ZFHX3: variants seen among roughly 807,000 people sequenced by gnomAD.
ZFHX3 encodes zinc finger homeobox protein 3.
Under a neutral mutation model 279.1 loss-of-function variants are expected in ZFHX3, and 42 were observed. The ratio of observed to expected loss-of-function variants is 0.15; its 90% CI spans 0.12 to 0.19. ZFHX3 has a LOEUF of 0.19. ZFHX3 is among the 10% of genes least tolerant of loss of function. The pLI is 1.00. For missense variants in ZFHX3, 4,981 were observed against 4,754.0 expected (o/e 1.05, Z -1.40); for synonymous variants, 2,293 against 1,957.8 (o/e 1.17, Z -4.52).
At chr16:72,818,958 C>A (rs181069933) in intron 5 of ZFHX3, among the ~76,000 whole-genome samples, 1 of 152,296 alleles carries the variant, frequency 6.6e-6, no homozygotes, top group African/African-American at 2.4e-5. Context: ...AAGAGTTACT[C>A]AGGGAAAGGC....
chr16:72,970,431 C>T (rs1205050997), intron 1 of ZFHX3, among the ~76,000 whole-genome samples: 1 of 152,152 alleles, frequency 6.6e-6, no homozygotes, highest in African/African-American at 2.4e-5. Flanking sequence ...GAGGCCTTTC[C>T]ACCATTTCCA....
intron 5 of ZFHX3, among the ~76,000 whole-genome samples, chr16:73,244,348 T>C (rs1271582376): frequency 6.6e-6 from 1 of 152,042 alleles, no homozygotes; most frequent in Non-Finnish European, 1.5e-5. Context: ...AGACAGATTA[T>C]CCTTCTCTCC....
chr16:73,063,964 C>T (rs1353409095), upstream of ZFHX3, among the ~76,000 whole-genome samples: 1 of 152,110 alleles, frequency 6.6e-6, no homozygotes, highest in Non-Finnish European at 1.5e-5. Flanking sequence ...TGAGGGTCCC[C>T]GCGCCCAGGT....
chr16:73,027,013 CAT>C (rs1373507067), intron 1 of ZFHX3, among the ~76,000 whole-genome samples: 2 of 152,264 alleles, frequency 1.3e-5, no homozygotes, highest in African/African-American at 2.4e-5. Context: ...ACCTACACCA[CAT>C]GATAGCATGA....
At chr16:73,461,227 A>C (rs925497737) in intron 2 of ZFHX3, among the ~76,000 whole-genome samples, 16 of 152,056 alleles carry the variant, frequency 1.1e-4, no homozygotes, top group African/African-American at 3.1e-4. Context: ...TCTTCATGAC[A>C]TTTGCCCATT....
intron 1 of ZFHX3, among the ~76,000 whole-genome samples, chr16:73,688,563 G>GC (rs796343053): frequency 3.9e-5 from 6 of 152,144 alleles, no homozygotes; most frequent in African/African-American, 1.4e-4. Context: ...CAGAAAGCAG[G>GC]CCCTCAACAG....
At chr16:73,886,315 A>T (rs2030345225) in intron 1 of ZFHX3, among the ~76,000 whole-genome samples, 2 of 152,160 alleles carry the variant, frequency 1.3e-5, no homozygotes, top group Non-Finnish European at 2.9e-5. Context: ...AAAAAAAAAC[A>T]CCATTCCCAT....
chr16:73,522,812 G>A (rs1410086905), intron 2 of ZFHX3, among the ~76,000 whole-genome samples: 4 of 152,126 alleles, frequency 2.6e-5, no homozygotes. Flanking sequence ...CACCTGGCTG[G>A]GGAGGCCTCA....
At chr16:73,376,554 T>G (rs914708314) in intron 3 of ZFHX3, among the ~76,000 whole-genome samples, 4 of 152,218 alleles carry the variant, frequency 2.6e-5, no homozygotes, top group African/African-American at 9.6e-5. Flanking sequence ...CTGGGACTTT[T>G]TCATGTTTGT....
At position 73,840,325 on chromosome 16, in the gene ZFHX3, C is replaced by T. The variant is rs554845026; in HGVS notation, c.-1608+51326G>A. On this transcript the variant is annotated intron_variant, in intron 1 of 17. Transcript: ENST00000641206. The stretch of plus-strand genomic sequence containing the variant: ...CCCTTTTCTCAGTCCCAAAAGCCCC[C>T]ACCACCATCACAGAAAAGGCAGGCA... Among the ~76,000 whole-genome samples the T allele has an allele frequency of 2.6e-5, 4 of 152,294 alleles. No individual in the cohort carries two copies. In the South Asian group the frequency reaches 8.3e-4, roughly 32 times the overall value.
intron 2 of ZFHX3, among the ~76,000 whole-genome samples, chr16:73,562,914 C>T (rs1041561429): frequency 6.6e-6 from 1 of 152,192 alleles, no homozygotes; most frequent in Non-Finnish European, 1.5e-5. Context: ...AGCAAGGCTA[C>T]TGCGCCATTA....
chr16:73,643,091 T>C (rs1597043245), intron 2 of ZFHX3, among the ~76,000 whole-genome samples: 1 of 152,190 alleles, frequency 6.6e-6, no homozygotes, highest in South Asian at 2.1e-4. Context: ...ATAAGAGATT[T>C]TGCTATCTGG....
upstream of ZFHX3, among the ~76,000 whole-genome samples, chr16:73,049,858 G>T (rs1965417061): frequency 6.6e-6 from 1 of 152,044 alleles, no homozygotes; most frequent in Non-Finnish European, 1.5e-5. Flanking sequence ...ATTTATATTG[G>T]CCATATAAGT....
intron 2 of ZFHX3, among the ~76,000 whole-genome samples, chr16:73,520,363 C>T (rs1350285002): frequency 6.6e-6 from 1 of 152,136 alleles, no homozygotes; most frequent in Non-Finnish European, 1.5e-5. Flanking sequence ...ACTAAAATTA[C>T]AAAGGCATAG....
intron 3 of ZFHX3, among the ~76,000 whole-genome samples, chr16:73,373,549 C>T (rs2016669831): frequency 6.6e-6 from 1 of 152,196 alleles, no homozygotes; most frequent in African/African-American, 2.4e-5. Context: ...TCAACTCCTG[C>T]TAGCCAGAAA....
At chr16:73,141,491 G>A (rs1046536665) in intron 6 of ZFHX3, among the ~76,000 whole-genome samples, 4 of 151,444 alleles carry the variant, frequency 2.6e-5, no homozygotes, top group Non-Finnish European at 5.9e-5. Context: ...TCGAACTCCT[G>A]GGCTCAAGGG....
chr16:73,550,027 G>T (rs935218440), intron 2 of ZFHX3, among the ~76,000 whole-genome samples: 1 of 152,042 alleles, frequency 6.6e-6, no homozygotes, highest in Non-Finnish European at 1.5e-5. Flanking sequence ...TGTTCAGACG[G>T]GCGAGGGGTG....
At chr16:73,329,117 T>A (rs2015749320) in intron 3 of ZFHX3, among the ~76,000 whole-genome samples, 1 of 152,254 alleles carries the variant, frequency 6.6e-6, no homozygotes, top group Non-Finnish European at 1.5e-5. Context: ...AGTGTCTAGT[T>A]AAAACAAAAC....
chr16:73,206,176 A>C (rs1212780558), intron 5 of ZFHX3, among the ~76,000 whole-genome samples: 1 of 152,224 alleles, frequency 6.6e-6, no homozygotes, highest in Admixed American at 6.5e-5. Context: ...GCTCTGGTTG[A>C]ATCAAAGATT....
Sources: allele counts gnomAD v4.1 joint callset (sites outside exome capture counted in the v4.1 genomes callset), GRCh38; gene constraint gnomAD v4.1.1; transcripts MANE v1.5; gene names NCBI Gene and HGNC (gene_info 2026-07-23, HGNC 2026-07-21).